Variants in CLEC2B observed in about 807,000 individuals in gnomAD.
CLEC2B encodes C-type lectin domain family 2 member B.
A neutral mutation model predicts 16.2 loss-of-function variants in CLEC2B; 14 were observed. The ratio of observed to expected loss-of-function variants is 0.86; its 90% CI spans 0.57 to 1.35. The LOEUF (loss-of-function observed/expected upper bound fraction) is 1.35, where lower values mean the gene tolerates loss of function less well. CLEC2B is among the 40% of genes most tolerant of loss of function. The probability of loss-of-function intolerance (pLI) is 0.00; values close to 1 mark genes in which losing one functional copy is unlikely to be tolerated. For synonymous variants in CLEC2B, 42 were observed against 55.8 expected (o/e 0.75, Z 1.10); for missense variants, 166 against 182.3 (o/e 0.91, Z 0.52).
intron 2 of CLEC2B, among the ~76,000 whole-genome samples, chr12:9,860,524 C>T (rs1867925667): frequency 6.6e-6 from 1 of 151,624 alleles, no homozygotes; most frequent in Admixed American, 6.6e-5. Flanking sequence ...AACACCGAAT[C>T]AATATTTTAA....
chr12:9,860,328 AT>A (rs1237213338), intron 2 of CLEC2B, among the ~76,000 whole-genome samples: 4 of 151,804 alleles, frequency 2.6e-5, no homozygotes, highest in Admixed American at 2.6e-4. Flanking sequence ...TTATATAGGT[AT>A]ATATTAAATT....
chr12:9,868,749 A>G (rs1038343328), intron 1 of CLEC2B, among the ~76,000 whole-genome samples: 8 of 152,098 alleles, frequency 5.3e-5, no homozygotes, highest in Admixed American at 1.3e-4. Flanking sequence ...GCAATTCCTT[A>G]GTAAGAGTAG....
intron 2 of CLEC2B, among the ~76,000 whole-genome samples, chr12:9,858,738 A>G (rs1015869529): frequency 6.6e-6 from 1 of 151,734 alleles, no homozygotes. Flanking sequence ...GTATATATAC[A>G]TATACACACA....
intron 1 of CLEC2B, chr12:9,866,948 G>T (rs1320190766): frequency 2.0e-5 from 3 of 152,154 alleles, no homozygotes; most frequent in Non-Finnish European, 1.5e-5. Flanking sequence ...TGCAAAGTTG[G>T]CAAGGTATTA....
intron 2 of CLEC2B, among the ~76,000 whole-genome samples, chr12:9,857,979 T>C (rs1369888612): frequency 6.6e-6 from 1 of 152,106 alleles, no homozygotes; most frequent in African/African-American, 2.4e-5. Flanking sequence ...ATACAAGTAA[T>C]AATTTGTATT....
At position 9,857,677 on chromosome 12, in the gene CLEC2B, A is replaced by T. The variant is rs529765962; in HGVS notation, c.74-40T>A. ...AATATATATCTTAAGTACCATATAG[A>T]ATAATATGCTACTGTGTTTTGAGAT... On this transcript the variant is annotated intron_variant, in intron 2 of 4. Transcript: ENST00000228438. 432 of 1,431,958 alleles carry T rather than the reference A, an allele frequency of 3.0e-4. 9 individuals carry two copies. The South Asian group carries it at 4.9e-3, about 16-fold the overall frequency. 88.7% of individuals were successfully genotyped at this position (1,431,958 alleles called of 1,614,324 possible). A position where few individuals can be genotyped will look rare whatever the true frequency, so the allele number is the denominator to read the frequency against.
At chr12:9,868,400 A>G (rs1331840125) in intron 1 of CLEC2B, among the ~76,000 whole-genome samples, 1 of 152,054 alleles carries the variant, frequency 6.6e-6, no homozygotes, top group African/African-American at 2.4e-5. Flanking sequence ...TGTGCATTCT[A>G]TTGTACCACA....
At position 9,853,177 on chromosome 12, in the gene CLEC2B, A is replaced by AAG; in HGVS notation, c.*122_*123insCT. On this transcript the variant is annotated 3_prime_UTR_variant, in exon 5 of 5. Transcript: ENST00000228438. The stretch of plus-strand genomic sequence containing the variant: ...TGAAGTGGCTTTTATGTGTAGCCTG[A>AAG]CACGTAAGCAGAATTAACCAGACAG... The AAG allele has an allele frequency of 2.7e-6, 2 of 731,824 alleles. No homozygotes were observed. Among genetic ancestry groups the AAG allele is most frequent in the Non-Finnish European group, 2.3e-6 (1 of 430,870 alleles). The allele number at this position is 731,824 out of a possible 1,614,324, so 45.3% of individuals were successfully genotyped here. A position where few individuals can be genotyped will look rare whatever the true frequency, so the allele number is the denominator to read the frequency against.
chr12:9,853,395 C>T lies in CLEC2B; in HGVS notation c.355G>A (p.Gly119Arg), dbSNP rs762756826. The T allele has an allele frequency of 1.3e-5, 21 of 1,613,566 alleles. No homozygotes were observed. Among genetic ancestry groups the T allele is most frequent in the Admixed American group, 3.3e-5 (2 of 59,994 alleles). ...CTGAGGTAGGCACATCCTTCACTCC[C>T]TCTCATGCCAAACCTGCAACAAAGG... ...ATFTKSFGMR[G>R]SEGCAYLSDD... is the part of the protein sequence containing the mutation. The change falls in exon 5 of 5, where the codon GGG (glycine) becomes AGG (arginine). Residue 119 changes from glycine to arginine, a missense_variant. Transcript: ENST00000228438.
At chr12:9,859,100 A>C (rs1248750569) in intron 2 of CLEC2B, among the ~76,000 whole-genome samples, 1 of 151,980 alleles carries the variant, frequency 6.6e-6, no homozygotes, top group African/African-American at 2.4e-5. Context: ...ATCCAAACTT[A>C]TGGGATTCAA....
chr12:9,863,147 TCCCACAC>T, intron 1 of CLEC2B, among the ~76,000 whole-genome samples: 1 of 152,242 alleles, frequency 6.6e-6, no homozygotes, highest in South Asian at 2.1e-4. Context: ...TCGTCAGTCT[TCCCACAC>T]TACTGGGATA....
Position 9,858,632 on chromosome 12 carries a change from A to G in CLEC2B, c.74-995T>C, listed in dbSNP as rs180960311. 3.0e-4 allele frequency among the ~76,000 whole-genome samples: 45 copies of G among 152,062 alleles called. No individual in the cohort carries two copies. In the East Asian group the frequency reaches 8.1e-3, roughly 27 times the overall value. ...AATAATCAGTTAAATTATCACCTATAGTCATCTGCTGCCAAGAGTCTATAG... is the reference window on the plus strand; with the variant it reads ...AATAATCAGTTAAATTATCACCTATGGTCATCTGCTGCCAAGAGTCTATAG... On this transcript the variant is annotated intron_variant, in intron 2 of 4. Coordinates refer to ENST00000228438, the MANE Select transcript of CLEC2B (RefSeq NM_005127.3).
chr12:9,861,653 C>T (rs1255004647), intron 2 of CLEC2B, among the ~76,000 whole-genome samples: 1 of 152,070 alleles, frequency 6.6e-6, no homozygotes, highest in Non-Finnish European at 1.5e-5. Context: ...TCCAAATGTT[C>T]ATCAAAAGTG....
rs150910334 is a variant in CLEC2B, at chr12:9,867,695, T to C, written c.-3+1510A>G. ...GAGCCTTCTTAACGTTTGATGAGGC[T>C]ATGCTTAAAAGGACACTTCCCCAGA... On this transcript the variant is annotated intron_variant, in intron 1 of 4. Coordinates refer to ENST00000228438, the MANE Select transcript of CLEC2B (RefSeq NM_005127.3). Among the ~76,000 whole-genome samples the C allele has an allele frequency of 3.9e-3, 598 of 152,252 alleles. 4 individuals are homozygous for C. Among genetic ancestry groups the C allele is most frequent in the Non-Finnish European group, 6.5e-3 (439 of 67,948 alleles).
chr12:9,862,261 G>T (rs1181318859), intron 2 of CLEC2B, among the ~76,000 whole-genome samples: 1 of 152,034 alleles, frequency 6.6e-6, no homozygotes, highest in South Asian at 2.1e-4. Context: ...ACATAGGCAA[G>T]AAAGTGTTGA....
Position 9,853,114 on chromosome 12 carries a change from A to C in CLEC2B, c.*186T>G, listed in dbSNP as rs534323668. ...GAGAGAGAAAGAAAGAAAGAAAAAAACTCAGCAGAATACCTGTAACCATTT... is the reference window on the plus strand; with the variant it reads ...GAGAGAGAAAGAAAGAAAGAAAAAACCTCAGCAGAATACCTGTAACCATTT... On this transcript the variant is annotated 3_prime_UTR_variant, in exon 5 of 5. Transcript: ENST00000228438. 1.0e-5 allele frequency: 5 copies of C among 500,934 alleles called. No homozygotes were observed. Among genetic ancestry groups the C allele is most frequent in the African/African-American group, 9.7e-5 (5 of 51,560 alleles). 31.0% of individuals were successfully genotyped at this position (500,934 alleles called of 1,614,324 possible).
At chr12:9,868,201 A>G (rs1002340563) in intron 1 of CLEC2B, among the ~76,000 whole-genome samples, 20 of 151,104 alleles carry the variant, frequency 1.3e-4, no homozygotes, top group Non-Finnish European at 2.4e-4. Flanking sequence ...AAATGTATAA[A>G]TTTATACAAT....
At chr12:9,866,879 C>A (rs565023303) in intron 1 of CLEC2B, 21 of 152,108 alleles carry the variant, frequency 1.4e-4, no homozygotes, top group Admixed American at 2.6e-4. Flanking sequence ...CAATGCACAT[C>A]CTGACAATAT....
At position 9,854,428 on chromosome 12, in the gene CLEC2B, TG is replaced by T; in HGVS notation, c.293del (p.Ala98GlufsTer9). ...SSDHWIGLKM[A>X]KNRTGQWVDG... ...CTACCCATTGTCCTGTTCGATTTTT[TG>T]CCATCTTCAGTCCAATCCAGTGATC... On this transcript the variant is annotated frameshift_variant, in exon 4 of 5. Coordinates refer to ENST00000228438, the MANE Select transcript of CLEC2B (RefSeq NM_005127.3). LOFTEE classifies it low-confidence loss of function (END_TRUNC). 1 of 1,613,870 alleles carries T rather than the reference TG, an allele frequency of 6.2e-7. No individual in the cohort carries two copies. Among genetic ancestry groups the T allele is most frequent in the Non-Finnish European group, 8.5e-7 (1 of 1,179,800 alleles).
Sources: allele counts gnomAD v4.1 joint callset (sites outside exome capture counted in the v4.1 genomes callset), GRCh38; gene constraint gnomAD v4.1.1; transcripts MANE v1.5; gene names NCBI Gene and HGNC (gene_info 2026-07-23, HGNC 2026-07-21).